The following KCNAB1 variants were observed in gnomAD, a reference collection of about 807,000 sequenced individuals.
KCNAB1 encodes the protein voltage-gated potassium channel subunit beta-1.
A neutral mutation model predicts 64.6 loss-of-function variants in KCNAB1; 35 were observed. That is an observed-to-expected ratio of 0.54 (90% confidence interval 0.41 to 0.72). The LOEUF is 0.72. Ranked by LOEUF, KCNAB1 falls within the 30% of genes least tolerant of loss-of-function variation. KCNAB1 has a pLI of 0.00. For missense variants in KCNAB1, 401 were observed against 512.9 expected (o/e 0.78, Z 2.11); for synonymous variants, 177 against 183.8 (o/e 0.96, Z 0.30).
intron 1 of KCNAB1, among the ~76,000 whole-genome samples, chr3:156,234,512 G>T (rs193100432): frequency 5.3e-5 from 8 of 152,210 alleles, no homozygotes. Context: ...ATGAGAAGAA[G>T]CTTCCTATGC....
intron 1 of KCNAB1, among the ~76,000 whole-genome samples, chr3:156,133,856 G>A (rs549298252): frequency 1.3e-5 from 2 of 152,198 alleles, no homozygotes; most frequent in South Asian, 4.1e-4. Context: ...GTAAGAAATG[G>A]CTGAGGGAAA....
chr3:156,458,026 A>G (rs1712579076), intron 4 of KCNAB1, among the ~76,000 whole-genome samples: 1 of 152,214 alleles, frequency 6.6e-6, no homozygotes, highest in Admixed American at 6.5e-5. Flanking sequence ...CTGTCCCTAC[A>G]CTAGCATTAC....
At chr3:156,127,144 CCA>C (rs1713707312) in intron 1 of KCNAB1, among the ~76,000 whole-genome samples, 1 of 152,136 alleles carries the variant, frequency 6.6e-6, no homozygotes, top group Non-Finnish European at 1.5e-5. Context: ...TCCTCTTTTT[CCA>C]CATTCCTGGA....
intron 3 of KCNAB1, among the ~76,000 whole-genome samples, chr3:156,453,569 A>G (rs3772263): frequency 0.016 from 2,499 of 152,310 alleles, 59 homozygotes; most frequent in East Asian, 0.1. Context: ...TATATTTACA[A>G]TAAAATTCCT....
At chr3:156,516,567 C>T (rs918294436) in intron 11 of KCNAB1, among the ~76,000 whole-genome samples, 3 of 152,206 alleles carry the variant, frequency 2.0e-5, no homozygotes, top group African/African-American at 7.2e-5. Context: ...AATCTGACTG[C>T]GTTGAATATT....
chr3:156,140,971 T>C (rs1412464801), intron 1 of KCNAB1, among the ~76,000 whole-genome samples: 1 of 151,926 alleles, frequency 6.6e-6, no homozygotes, highest in Non-Finnish European at 1.5e-5. Context: ...TTAGACCGAA[T>C]GAACAGTTTA....
chr3:156,537,256 G>GT lies in KCNAB1; in HGVS notation c.*510dup. ...ATCTCACTGCAAAAAAAAAAAAGCAGTATCTTCACTCAAAAGTCTTGCTTG... is the reference window on the plus strand; with the variant it reads ...ATCTCACTGCAAAAAAAAAAAAGCAGTTATCTTCACTCAAAAGTCTTGCTTG... On this transcript the variant is annotated 3_prime_UTR_variant, in exon 14 of 14. Transcript: ENST00000490337. The GT allele has an allele frequency of 2.6e-6, 1 of 386,340 alleles. No individual in the cohort carries two copies. The highest frequency in any genetic ancestry group is 1.5e-4 in the South Asian group (1 of 6,844). The allele number at this position is 386,340 out of a possible 1,614,324, so 23.9% of individuals were successfully genotyped here. A position where few individuals can be genotyped will look rare whatever the true frequency, so the allele number is the denominator to read the frequency against.
chr3:156,395,544 CAAAAAAAAAAAAAAAAAAAAA>C (rs61017269), intron 1 of KCNAB1, among the ~76,000 whole-genome samples: 64 of 25,462 alleles, frequency 2.5e-3, no homozygotes, highest in Admixed American at 9.2e-3. Flanking sequence ...GACTCCGTCT[CAAAAAAAAAAAAAAAAAAAAA>C]AAAAAAAAAA....
At chr3:156,476,600 T>C (rs570795964) in intron 8 of KCNAB1, among the ~76,000 whole-genome samples, 4 of 151,790 alleles carry the variant, frequency 2.6e-5, no homozygotes, top group Non-Finnish European at 4.4e-5. Flanking sequence ...CACACATATA[T>C]ATATATCTCA....
intron 8 of KCNAB1, among the ~76,000 whole-genome samples, chr3:156,485,035 T>C (rs890954601): frequency 9.2e-5 from 14 of 152,120 alleles, no homozygotes; most frequent in Non-Finnish European, 2.1e-4. Context: ...AGTGGAAACA[T>C]GTTATAAATT....
At chr3:156,381,192 A>G (rs1712130937) in intron 1 of KCNAB1, among the ~76,000 whole-genome samples, 1 of 152,192 alleles carries the variant, frequency 6.6e-6, no homozygotes, top group African/African-American at 2.4e-5. Flanking sequence ...AGTATGGAGT[A>G]TTTAAAGCTG....
At chr3:156,203,304 T>C (rs1445552224) in intron 1 of KCNAB1, among the ~76,000 whole-genome samples, 1 of 152,354 alleles carries the variant, frequency 6.6e-6, no homozygotes, top group East Asian at 1.9e-4. Context: ...AGTTTGCTGA[T>C]CTCTGATTTA....
chr3:156,273,128 GA>G (rs36084611), intron 1 of KCNAB1, among the ~76,000 whole-genome samples: 43,853 of 141,380 alleles, frequency 0.31, 7,320 homozygotes, highest in African/African-American at 0.47. Context: ...CTCCTCAAGT[GA>G]AAAAAAAAAA....
chr3:156,370,659 C>T (rs1422484572), intron 1 of KCNAB1, among the ~76,000 whole-genome samples: 1 of 150,380 alleles, frequency 6.6e-6, no homozygotes, highest in Non-Finnish European at 1.5e-5. Context: ...CTCCTGAGCT[C>T]CACAATGGAG....
chr3:156,303,550 A>G (rs765524677), intron 1 of KCNAB1, among the ~76,000 whole-genome samples: 1 of 152,156 alleles, frequency 6.6e-6, no homozygotes, highest in African/African-American at 2.4e-5. Context: ...CCTGACCTAT[A>G]GTCTGGGAAG....
intron 1 of KCNAB1, among the ~76,000 whole-genome samples, chr3:156,202,436 A>G (rs1714396605): frequency 1.3e-5 from 2 of 152,100 alleles, no homozygotes; most frequent in Admixed American, 1.3e-4. Context: ...ATCCACTCTC[A>G]ACGCCTTTTC....
intron 1 of KCNAB1, among the ~76,000 whole-genome samples, chr3:156,345,446 T>C (rs1441756813): frequency 6.6e-6 from 1 of 152,242 alleles, no homozygotes; most frequent in Non-Finnish European, 1.5e-5. Flanking sequence ...TAACATTGTA[T>C]TATGGCCTAC....
At chr3:156,430,583 T>A (rs1042973409) in intron 2 of KCNAB1, among the ~76,000 whole-genome samples, 10 of 152,116 alleles carry the variant, frequency 6.6e-5, no homozygotes, top group African/African-American at 2.4e-4. Context: ...AGCCACCAGC[T>A]CCATTGTGAG....
chr3:156,333,877 T>C lies in KCNAB1; in HGVS notation c.276-87739T>C, dbSNP rs555092577. Among the ~76,000 whole-genome samples, 4 of 152,328 alleles carry C rather than the reference T, an allele frequency of 2.6e-5. No homozygotes were observed. The East Asian group carries it at 7.7e-4, about 29-fold the overall frequency. Reference sequence around the variant, plus strand: ...ACATATTTAAAATTCACTTTTTTTCTCTCTTTCTGTGAATGTGTTCATTTT... The same window carrying C: ...ACATATTTAAAATTCACTTTTTTTCCCTCTTTCTGTGAATGTGTTCATTTT... On this transcript the variant is annotated intron_variant, in intron 1 of 13. Transcript: ENST00000490337.
Sources: allele counts gnomAD v4.1 joint callset (sites outside exome capture counted in the v4.1 genomes callset), GRCh38; gene constraint gnomAD v4.1.1; transcripts MANE v1.5; gene names NCBI Gene and HGNC (gene_info 2026-07-23, HGNC 2026-07-21).